The following TFDP2 variants were observed in gnomAD, a reference collection of about 807,000 sequenced individuals.
TFDP2 encodes transcription factor Dp-2 (E2F dimerization partner 2).
Under a neutral mutation model 59.3 loss-of-function variants are expected in TFDP2, and 17 were observed. That is an observed-to-expected ratio of 0.29 (90% CI 0.20 to 0.43). The LOEUF (loss-of-function observed/expected upper bound fraction) is 0.43. Ranked by LOEUF, TFDP2 falls within the 20% of genes least tolerant of loss-of-function variation. The pLI, the probability that TFDP2 is intolerant of heterozygous loss-of-function variation, is 1.00. For missense variants in TFDP2, 391 were observed against 528.8 expected (o/e 0.74, Z 2.56); for synonymous variants, 180 against 194.7 (o/e 0.92, Z 0.63).
intron 1 of TFDP2, among the ~76,000 whole-genome samples, chr3:142,140,940 G>A (rs2062930089): frequency 6.6e-6 from 1 of 152,208 alleles, no homozygotes. Flanking sequence ...AGAAGTTTCT[G>A]CTGCCTTTTG....
intron 3 of TFDP2, among the ~76,000 whole-genome samples, chr3:142,040,114 A>AACAC (rs61576382): frequency 6.0e-4 from 91 of 150,424 alleles, no homozygotes; most frequent in South Asian, 8.5e-4. Context: ...CACAAAATAA[A>AACAC]ACACACACAC....
In TFDP2 at chr3:142,093,056, C is replaced by T. The variant is rs780127117; in HGVS notation, c.82+5G>A. 3.9e-6 allele frequency: 6 copies of T among 1,528,046 alleles called. No individual in the cohort carries two copies. The East Asian group carries it at 1.5e-4, about 37-fold the overall frequency. 94.7% of individuals were successfully genotyped at this position (1,528,046 alleles called of 1,614,324 possible). ...TTCAGAAAAATTTTATTCAATAATC[C>T]TTACCTTTTGTTGGACTGAGATTCT... On this transcript the variant is annotated splice_donor_5th_base_variant and intron_variant, in intron 3 of 12. Transcript: ENST00000489671.
At chr3:142,134,688 A>G (rs1176995596) in intron 1 of TFDP2, among the ~76,000 whole-genome samples, 1 of 152,090 alleles carries the variant, frequency 6.6e-6, no homozygotes, top group African/African-American at 2.4e-5. Context: ...ACTGCAGTTA[A>G]TTTTATACAA....
chr3:142,016,010 ACTT>A (rs2108323261), intron 3 of TFDP2, among the ~76,000 whole-genome samples: 2 of 152,230 alleles, frequency 1.3e-5, no homozygotes, highest in Non-Finnish European at 2.9e-5. Flanking sequence ...GATGTTTTCA[ACTT>A]CTTTATTTTT....
chr3:141,955,966 C>A (rs933664011), intron 11 of TFDP2, among the ~76,000 whole-genome samples: 1 of 152,094 alleles, frequency 6.6e-6, no homozygotes, highest in Non-Finnish European at 1.5e-5. Context: ...TGTCACCATG[C>A]CTGGCTAATT....
intron 3 of TFDP2, among the ~76,000 whole-genome samples, chr3:142,008,231 G>A (rs554111832): frequency 1.4e-4 from 21 of 152,030 alleles, no homozygotes; most frequent in African/African-American, 5.1e-4. Context: ...AGCCAGGGCT[G>A]AGCACCACGG....
At chr3:142,083,036 T>A (rs1002059792) in intron 3 of TFDP2, among the ~76,000 whole-genome samples, 22 of 151,946 alleles carry the variant, frequency 1.4e-4, no homozygotes, top group African/African-American at 4.8e-4. Context: ...AGACAAGAGA[T>A]AAAAATAAAG....
At chr3:141,962,972 T>A (rs1197634234) in intron 10 of TFDP2, among the ~76,000 whole-genome samples, 3 of 152,188 alleles carry the variant, frequency 2.0e-5, no homozygotes, top group Non-Finnish European at 4.4e-5. Context: ...TTACCTCAAG[T>A]CATTATAGAC....
chr3:142,042,630 C>CTTTTTT (rs66981475), intron 3 of TFDP2, among the ~76,000 whole-genome samples: 3 of 108,206 alleles, frequency 2.8e-5, no homozygotes, highest in Non-Finnish European at 3.7e-5. Flanking sequence ...CTTTTCTTTT[C>CTTTTTT]TTTTTTTTTT....
rs763262380 is a variant in TFDP2, at chr3:142,126,783, C to T, written c.-93+22400G>A. 1.0e-3 allele frequency among the ~76,000 whole-genome samples: 151 copies of T among 151,340 alleles called. 1 individual carries two copies. Among genetic ancestry groups the T allele is most frequent in the Admixed American group, 1.6e-3 (24 of 15,166 alleles). ...CCAACATGGTGAAACCCCGTTTCTA[C>T]CGAAAATACAAAAATTAGCCAGGCA... On this transcript the variant is annotated intron_variant, in intron 1 of 12. Transcript: ENST00000489671.
At chr3:142,034,523 C>T (rs192790159) in intron 3 of TFDP2, among the ~76,000 whole-genome samples, 250 of 152,148 alleles carry the variant, frequency 1.6e-3, no homozygotes, top group Non-Finnish European at 2.7e-3. Context: ...AAAAATAAAA[C>T]AAAACAAAAA....
intron 3 of TFDP2, among the ~76,000 whole-genome samples, chr3:142,017,935 A>ATTT (rs1945268098): frequency 7.3e-6 from 1 of 136,242 alleles, no homozygotes; most frequent in Non-Finnish European, 1.7e-5. Flanking sequence ...TGTTGCCTCA[A>ATTT]TATTTTATTT....
chr3:141,971,959 T>G (rs1026861134), intron 8 of TFDP2, among the ~76,000 whole-genome samples: 1 of 152,202 alleles, frequency 6.6e-6, no homozygotes, highest in Non-Finnish European at 1.5e-5. Flanking sequence ...TAAAAGGCAA[T>G]TAAGATCTTT....
intron 8 of TFDP2, among the ~76,000 whole-genome samples, chr3:141,972,031 C>T (rs920920685): frequency 5.3e-5 from 8 of 152,188 alleles, no homozygotes; most frequent in African/African-American, 1.9e-4. Flanking sequence ...CTTGTCTGCT[C>T]CAGCAGATTA....
At chr3:142,057,797 C>T (rs969869686) in intron 3 of TFDP2, among the ~76,000 whole-genome samples, 1 of 152,162 alleles carries the variant, frequency 6.6e-6, no homozygotes, top group Admixed American at 6.5e-5. Flanking sequence ...CAGGGAGACG[C>T]TAGAAGTTTT....
chr3:142,042,620 CTTTTCTTTTCT>C (rs1415553612), intron 3 of TFDP2, among the ~76,000 whole-genome samples: 11 of 82,208 alleles, frequency 1.3e-4, no homozygotes, highest in South Asian at 1.2e-3. Flanking sequence ...TCTTTCTTTT[CTTTTCTTTTCT>C]TTTTTTTTTT....
At chr3:142,092,928 T>C (rs772266104) in intron 3 of TFDP2, 133 bp downstream of exon 3, 1 of 599,230 alleles carries the variant, frequency 1.7e-6, no homozygotes, top group Non-Finnish European at 2.7e-6. Context: ...ACAGCACAAG[T>C]TATGTGGCAT....
intron 3 of TFDP2, chr3:142,043,901 G>A: frequency 1.0e-6 from 1 of 987,042 alleles, no homozygotes; most frequent in East Asian, 2.4e-5. Flanking sequence ...CTTCTAAGCA[G>A]CCGGCGCAGA....
intron 2 of TFDP2, among the ~76,000 whole-genome samples, chr3:142,094,330 G>A (rs7640665): frequency 0.75 from 111,378 of 148,470 alleles, 41,785 homozygotes; most frequent in South Asian, 0.81. Flanking sequence ...TTGAGATGGC[G>A]TTTCACTCTT....
Sources: allele counts gnomAD v4.1 joint callset (sites outside exome capture counted in the v4.1 genomes callset), GRCh38; gene constraint gnomAD v4.1.1; transcripts MANE v1.5; gene names NCBI Gene and HGNC (gene_info 2026-07-23, HGNC 2026-07-21).